The following TULP3 variants were observed in gnomAD, a reference collection of about 807,000 sequenced individuals.
TULP3 encodes the protein TUB like protein 3.
Under a neutral mutation model 50.7 loss-of-function variants are expected in TULP3, and 38 were observed. That is an observed-to-expected ratio of 0.75 (90% CI 0.58 to 0.98). The LOEUF (loss-of-function observed/expected upper bound fraction) is 0.98, where lower values mean the gene tolerates loss of function less well. Ranked by LOEUF, TULP3 falls within the 50% of genes least tolerant of loss-of-function variation. TULP3 has a pLI of 0.00. For missense variants in TULP3, 550 were observed against 568.0 expected (o/e 0.97, Z 0.32); for synonymous variants, 183 against 196.6 (o/e 0.93, Z 0.58).
intron 7 of TULP3, 45 bp from the exon 8 acceptor site, chr12:2,934,402 A>G (rs371162267): frequency 1.1e-4 from 146 of 1,308,532 alleles, no homozygotes; most frequent in Non-Finnish European, 1.3e-4. Context: ...TTTGTATAAG[A>G]AAAAAAATAC....
intron 4 of TULP3, among the ~76,000 whole-genome samples, chr12:2,923,901 G>A (rs2098193222): frequency 1.3e-5 from 2 of 151,528 alleles, no homozygotes; most frequent in African/African-American, 4.9e-5. Flanking sequence ...GATGGCTTGA[G>A]CCTGGGAAGT....
chr12:2,905,599 AATGTTACAGTTACTTAAC>A (rs1317604591), intron 1 of TULP3, among the ~76,000 whole-genome samples: 2 of 152,162 alleles, frequency 1.3e-5, no homozygotes, highest in East Asian at 3.9e-4. Flanking sequence ...GAGACTTGTA[AATGTTACAGTTACTTAAC>A]ATGTATTTAT....
At chr12:2,914,987 C>A (rs1565501679) in intron 2 of TULP3, among the ~76,000 whole-genome samples, 1 of 150,282 alleles carries the variant, frequency 6.7e-6, no homozygotes, top group African/African-American at 2.5e-5. Context: ...AATGGATTTT[C>A]TTTTCTTTTC....
chr12:2,922,307 C>G lies in TULP3; in HGVS notation c.299C>G (p.Ala100Gly). The G allele has an allele frequency of 6.2e-7, 1 of 1,614,154 alleles. No homozygotes were observed. Among genetic ancestry groups the G allele is most frequent in the South Asian group, 1.1e-5 (1 of 91,078 alleles). ...AAVLKPDEVHAPSVSSSVVEE... is the reference protein window; with the variant it reads ...AAVLKPDEVHGPSVSSSVVEE... ...GTCCTGAAACCAGACGAAGTTCATGCTCCATCAGTAAGCTCCTCTGTTGTG... is the reference window on the plus strand; with the variant it reads ...GTCCTGAAACCAGACGAAGTTCATGGTCCATCAGTAAGCTCCTCTGTTGTG... Residue 100 changes from alanine (A) to glycine (G), a missense_variant, in exon 4 of 11, where the codon GCT becomes GGT. By Grantham distance (60) the Ala-to-Gly change is moderately conservative (BLOSUM62 0). Transcript: ENST00000448120.
intron 2 of TULP3, among the ~76,000 whole-genome samples, chr12:2,913,356 T>A (rs1447039810): frequency 6.6e-6 from 1 of 151,804 alleles, no homozygotes; most frequent in Non-Finnish European, 1.5e-5. Flanking sequence ...CAAGCGATCC[T>A]CCCACCCCAG....
At chr12:2,922,999 G>A (rs372590355) in intron 4 of TULP3, among the ~76,000 whole-genome samples, 99 of 151,844 alleles carry the variant, frequency 6.5e-4, no homozygotes, top group Middle Eastern at 6.8e-3. Flanking sequence ...GACTACAGGC[G>A]CCCGCCACCA....
In TULP3 at chr12:2,934,531, C is replaced by T. The variant is rs1161398279; in HGVS notation, c.894C>T (p.His298=). 4 of 1,596,942 alleles carry T rather than the reference C, an allele frequency of 2.5e-6. No homozygotes were observed. In the South Asian group the frequency reaches 3.4e-5, roughly 14 times the overall value. The part of the protein sequence containing the change: ...MKGRGLVGAA[H]TRQELAAISY... Reference sequence around the variant, plus strand: ...GCCGGGGTTTGGTAGGAGCGGCCCACACCCGGCAGGAGCTGGCTGCCATCT... The same window carrying T: ...GCCGGGGTTTGGTAGGAGCGGCCCATACCCGGCAGGAGCTGGCTGCCATCT... Residue 298 remains histidine (H), a synonymous_variant, in exon 8 of 11, where the codon CAC becomes CAT. Transcript: ENST00000448120.
chr12:2,894,710 A>G (rs371731360), intron 1 of TULP3, among the ~76,000 whole-genome samples: 41 of 152,302 alleles, frequency 2.7e-4, no homozygotes, highest in East Asian at 1.2e-3. Context: ...CCCAACCAAC[A>G]TGGCGAAACC....
At chr12:2,937,778 T>C in intron 9 of TULP3, 49 bp downstream of exon 9, 1 of 1,321,810 alleles carries the variant, frequency 7.6e-7, no homozygotes, top group Non-Finnish European at 1.1e-6. Context: ...AAGACAGTAG[T>C]ACAATACACA....
In TULP3 at chr12:2,939,122, AG is replaced by A. The variant is rs1811810895; in HGVS notation, c.1196-187del. Among the ~76,000 whole-genome samples the A allele has an allele frequency of 1.3e-5, 2 of 152,114 alleles. No homozygotes were observed. Among genetic ancestry groups the A allele is most frequent in the South Asian group, 4.1e-4 (2 of 4,828 alleles). ...TTGCCTGTAGTCCCAGCTACTCAGGAGGCTGAGGTGGGAGGATCACTTGAGC... is the reference window on the plus strand; with the variant it reads ...TTGCCTGTAGTCCCAGCTACTCAGGAGCTGAGGTGGGAGGATCACTTGAGC... On this transcript the variant is annotated intron_variant, in intron 10 of 10. Transcript: ENST00000448120. This position sits in a 1 kb window ranked among gnomAD's most constrained non-coding sequence, Gnocchi z 4.0.
chr12:2,896,046 T>C (rs1019874722), intron 1 of TULP3, among the ~76,000 whole-genome samples: 1 of 152,052 alleles, frequency 6.6e-6, no homozygotes, highest in Non-Finnish European at 1.5e-5. Context: ...GTTCAAGTGA[T>C]TCTCCTGCCT....
At chr12:2,930,957 T>A (rs1478533023) in intron 5 of TULP3, 80 bp from the exon 6 acceptor site, 1 of 1,485,728 alleles carries the variant, frequency 6.7e-7, no homozygotes, top group Non-Finnish European at 9.4e-7. Context: ...ACTAAGTTGC[T>A]TTGTCCACTA....
At chr12:2,899,553 C>T (rs182518848) in intron 1 of TULP3, among the ~76,000 whole-genome samples, 91 of 152,100 alleles carry the variant, frequency 6.0e-4, no homozygotes, top group Middle Eastern at 6.8e-3. Flanking sequence ...AAAATGGAAC[C>T]CGTTACCTTA....
At chr12:2,906,019 GTAAAAAAAAAAAATTTTTTT>G (rs2098181983) in intron 1 of TULP3, among the ~76,000 whole-genome samples, 1 of 131,574 alleles carries the variant, frequency 7.6e-6, no homozygotes, top group African/African-American at 3.0e-5. Context: ...CAGACCCTGT[GTAAAAAAAAAAAATTTTTTT>G]TTTTTTTTTG....
At chr12:2,938,424 GAAACTACAGTTTT>G in intron 10 of TULP3, 139 bp downstream of exon 10, 6 of 1,040,680 alleles carry the variant, frequency 5.8e-6, no homozygotes, top group Non-Finnish European at 8.2e-6. Context: ...TTGGAAAGAT[GAAACTACAGTTTT>G]AGAGAAAACT....
At position 2,937,675 on chromosome 12, in the gene TULP3, G is replaced by C; in HGVS notation, c.969G>C (p.Val323=). The C allele has an allele frequency of 1.9e-6, 3 of 1,612,942 alleles. No homozygotes were observed. The highest frequency in any genetic ancestry group is 2.5e-6 in the Non-Finnish European group (3 of 1,179,674). The part of the protein sequence containing the change: ...LGFKGPRKMS[V]IIPGMTLNHK... ...TTAAAGGTCCTAGGAAAATGTCTGTGATCATTCCTGGAATGACACTGAATC... is the reference window on the plus strand; with the variant it reads ...TTAAAGGTCCTAGGAAAATGTCTGTCATCATTCCTGGAATGACACTGAATC... The change falls in exon 9 of 11, where the codon GTG becomes GTC. Residue 323 remains valine, a synonymous_variant. Coordinates refer to ENST00000448120, the MANE Select transcript of TULP3 (RefSeq NM_003324.5).
intron 4 of TULP3, among the ~76,000 whole-genome samples, chr12:2,924,834 T>G (rs2098193767): frequency 1.3e-5 from 2 of 151,556 alleles, no homozygotes; most frequent in African/African-American, 4.8e-5. Flanking sequence ...AGCCTGTGTG[T>G]AGAGTGAGAC....
chr12:2,931,272 A>C, intron 6 of TULP3, 32 bp downstream of exon 6: 1 of 1,601,010 alleles, frequency 6.2e-7, no homozygotes, highest in Non-Finnish European at 8.5e-7. Flanking sequence ...AAAACTCTTG[A>C]GAGAGAGAAG....
chr12:2,910,523 G>C (rs1054077597), intron 2 of TULP3, among the ~76,000 whole-genome samples: 1 of 152,150 alleles, frequency 6.6e-6, no homozygotes, highest in Non-Finnish European at 1.5e-5. Context: ...TCATATTCAG[G>C]TAGCTTAGAA....
Sources: allele counts gnomAD v4.1 joint callset (sites outside exome capture counted in the v4.1 genomes callset), GRCh38; gene constraint gnomAD v4.1.1; non-coding constraint Gnocchi (gnomAD v3.1); transcripts MANE v1.5; gene names NCBI Gene and HGNC (gene_info 2026-07-23, HGNC 2026-07-21).